Variants in NKD1 observed in about 807,000 individuals in gnomAD.
The protein encoded by NKD1 is protein naked cuticle homolog 1.
NKD1 carries 21 observed loss-of-function variants against 56.0 expected under a neutral mutation model. The ratio of observed to expected loss-of-function variants is 0.38; its 90% CI spans 0.27 to 0.54. The LOEUF is 0.54. Among genes scored for constraint, NKD1 ranks in the 20% least tolerant of loss-of-function variants. The pLI is 0.82. For synonymous variants in NKD1, 263 were observed against 265.7 expected, an observed-to-expected ratio of 0.99 and a Z score of 0.10; for missense variants, 578 against 642.7, an observed-to-expected ratio of 0.90 and a Z score of 1.09.
chr16:50,617,764 T>C (rs1238240665), intron 4 of NKD1, among the ~76,000 whole-genome samples: 1 of 152,180 alleles, frequency 6.6e-6, no homozygotes, highest in Non-Finnish European at 1.5e-5. Context: ...CACTGTATGG[T>C]TGGGCAGGTT....
At chr16:50,609,321 A>G (rs973615850) in intron 4 of NKD1, among the ~76,000 whole-genome samples, 12 of 152,268 alleles carry the variant, frequency 7.9e-5, no homozygotes, top group Non-Finnish European at 1.6e-4. Context: ...GGTGCCAGGA[A>G]CGGATGACAG....
chr16:50,608,535 AG>A, intron 4 of NKD1, 175 bp downstream of exon 4: 1 of 642,324 alleles, frequency 1.6e-6, no homozygotes, highest in Non-Finnish European at 2.9e-6. Flanking sequence ...AGTAAGAGAC[AG>A]GTGTGGTACT....
In NKD1 at chr16:50,632,273, T is replaced by G; in HGVS notation, c.696-8T>G. ...TGTTATCCCACTCACTTGCCTCCCCTGCCGTAGGTTCCAGGGTGACAGCCG... is the reference window on the plus strand; with the variant it reads ...TGTTATCCCACTCACTTGCCTCCCCGGCCGTAGGTTCCAGGGTGACAGCCG... On this transcript the variant is annotated splice_polypyrimidine_tract_variant and splice_region_variant and intron_variant, in intron 8 of 9. Transcript: ENST00000268459. The surrounding 1 kb of genome is among the most constrained non-coding windows in gnomAD (Gnocchi z 4.1). 6.2e-7 allele frequency: 1 copy of G among 1,614,024 alleles called. No homozygotes were observed. Among genetic ancestry groups the G allele is most frequent in the Non-Finnish European group, 8.5e-7 (1 of 1,179,900 alleles).
At chr16:50,580,208 TC>T (rs1961088095) in intron 3 of NKD1, among the ~76,000 whole-genome samples, 1 of 152,260 alleles carries the variant, frequency 6.6e-6, no homozygotes, top group African/African-American at 2.4e-5. Context: ...GAGAATGAAT[TC>T]TATTTCTGAA....
intron 4 of NKD1, among the ~76,000 whole-genome samples, chr16:50,620,793 A>G (rs1962068731): frequency 6.6e-6 from 1 of 152,184 alleles, no homozygotes; most frequent in Admixed American, 6.5e-5. Flanking sequence ...TCAGGAAAAT[A>G]GTGTCAGTAG....
chr16:50,604,801 G>GCCTGGC (rs1439815511), intron 3 of NKD1, among the ~76,000 whole-genome samples: 2 of 152,330 alleles, frequency 1.3e-5, no homozygotes, highest in South Asian at 2.1e-4. Flanking sequence ...GGTGCCAAGG[G>GCCTGGC]CCTGGCCCTG....
intron 6 of NKD1, among the ~76,000 whole-genome samples, chr16:50,628,027 T>C (rs913424266): frequency 5.3e-5 from 8 of 152,138 alleles, no homozygotes; most frequent in African/African-American, 1.9e-4. Flanking sequence ...GAGAGTCCTC[T>C]GCGGGCCTCG....
At chr16:50,585,451 T>C (rs993131386) in intron 3 of NKD1, among the ~76,000 whole-genome samples, 1 of 152,186 alleles carries the variant, frequency 6.6e-6, no homozygotes, top group African/African-American at 2.4e-5. Context: ...GAGGCTGCTT[T>C]GGACGTGCAT....
intron 3 of NKD1, among the ~76,000 whole-genome samples, chr16:50,551,534 T>C (rs1024379963): frequency 6.6e-6 from 1 of 152,234 alleles, no homozygotes; most frequent in Non-Finnish European, 1.5e-5. Flanking sequence ...TTGTTCTTGC[T>C]GCTGGGGACC....
intron 5 of NKD1, 183 bp from the exon 6 acceptor site, chr16:50,625,302 G>A (rs1460692675): frequency 2.5e-5 from 15 of 598,520 alleles, no homozygotes; most frequent in Admixed American, 5.7e-5. Flanking sequence ...TCCCCTGCCC[G>A]GGCTCTGGCT....
Position 50,596,670 on chromosome 16 carries a change from C to G in NKD1, c.193-11624C>G, listed in dbSNP as rs369118684. Among the ~76,000 whole-genome samples the G allele has an allele frequency of 7.2e-5, 11 of 152,374 alleles. No individual in the cohort carries two copies. In the East Asian group the frequency reaches 2.1e-3, roughly 29 times the overall value. ...AAATACAGAGCTGCATTTGGTGGTT[C>G]AACACACGCTGGTCGAGTGCCTCCG... is the stretch of plus-strand genomic sequence containing the variant. On this transcript the variant is annotated intron_variant, in intron 3 of 9. Transcript: ENST00000268459.
chr16:50,550,380 G>A (rs1305356797), intron 3 of NKD1, among the ~76,000 whole-genome samples: 1 of 151,400 alleles, frequency 6.6e-6, no homozygotes, highest in Non-Finnish European at 1.5e-5. Flanking sequence ...TTAACTTAGA[G>A]GGGGAATAGA....
chr16:50,589,204 C>A (rs915399607), intron 3 of NKD1, among the ~76,000 whole-genome samples: 1 of 152,098 alleles, frequency 6.6e-6, no homozygotes, highest in African/African-American at 2.4e-5. Context: ...TAAACTCAAG[C>A]CCCTGTTCTT....
At position 50,630,282 on chromosome 16, in the gene NKD1, G is replaced by A. The variant is rs199930797; in HGVS notation, c.559G>A (p.Val187Met). ...SSKMLRVKLT[V>M]APDGSQSKRS... ...CAAGATGCTGCGGGTAAAGCTCACC[G>A]TGGCCCCCGATGGCAGCCAGAGCAA... The change falls in exon 7 of 10, where the codon GTG (valine) becomes ATG (methionine). Residue 187 changes from valine to methionine, a missense_variant. Coordinates refer to ENST00000268459, the MANE Select transcript of NKD1 (RefSeq NM_033119.5). 79 of 1,614,036 alleles carry A rather than the reference G, an allele frequency of 4.9e-5. No homozygotes were observed. The highest frequency in any genetic ancestry group is 1.6e-4 in the Middle Eastern group (1 of 6,084).
At chr16:50,628,364 C>A (rs751934119) in intron 6 of NKD1, among the ~76,000 whole-genome samples, 1 of 152,226 alleles carries the variant, frequency 6.6e-6, no homozygotes, top group Non-Finnish European at 1.5e-5. Context: ...ACCCACATGC[C>A]TGCCTGGCTG....
At chr16:50,609,833 C>T (rs189453989) in intron 4 of NKD1, among the ~76,000 whole-genome samples, 7 of 152,248 alleles carry the variant, frequency 4.6e-5, no homozygotes. Flanking sequence ...GGGAGGAGTC[C>T]CATGAACAGA....
At chr16:50,577,982 C>A (rs1961026711) in intron 3 of NKD1, among the ~76,000 whole-genome samples, 1 of 152,178 alleles carries the variant, frequency 6.6e-6, no homozygotes. Context: ...TCTTTCTTTC[C>A]ACTTGTGTTT....
chr16:50,569,748 C>T (rs1282322954), intron 3 of NKD1, among the ~76,000 whole-genome samples: 1 of 152,172 alleles, frequency 6.6e-6, no homozygotes, highest in Non-Finnish European at 1.5e-5. Context: ...AGGGTAGAGG[C>T]CAGTTCTTAC....
chr16:50,619,270 G>A (rs190197771), intron 4 of NKD1, among the ~76,000 whole-genome samples: 12 of 152,116 alleles, frequency 7.9e-5, no homozygotes, highest in African/African-American at 2.2e-4. Flanking sequence ...TGGTTTCTCC[G>A]GTGGGGCAGT....
Sources: allele counts gnomAD v4.1 joint callset (sites outside exome capture counted in the v4.1 genomes callset), GRCh38; gene constraint gnomAD v4.1.1; non-coding constraint Gnocchi (gnomAD v3.1); transcripts MANE v1.5; gene names NCBI Gene and HGNC (gene_info 2026-07-23, HGNC 2026-07-21).